ALK: variants seen among roughly 807,000 people sequenced by gnomAD.
ALK encodes the protein ALK tyrosine kinase receptor.
In ALK, 74 loss-of-function variants were observed where a neutral mutation model predicts 163.1. The ratio of observed to expected loss-of-function variants is 0.45; its 90% CI spans 0.38 to 0.55. ALK has a LOEUF of 0.55. Among genes scored for constraint, ALK ranks in the 20% least tolerant of loss-of-function variants. The pLI, the probability that ALK is intolerant of heterozygous loss-of-function variation, is 0.00. For synonymous variants in ALK, 960 were observed against 843.2 expected (o/e 1.14, Z -2.40); for missense variants, 2,063 against 2,105.3 (o/e 0.98, Z 0.39).
intron 1 of ALK, among the ~76,000 whole-genome samples, chr2:29,783,664 G>T (rs1478329498): frequency 1.3e-5 from 2 of 152,348 alleles, no homozygotes; most frequent in South Asian, 2.1e-4. Flanking sequence ...CAGGAGAGGA[G>T]TTGGTTTAGC....
intron 3 of ALK, among the ~76,000 whole-genome samples, chr2:29,622,539 G>A (rs1176994042): frequency 6.6e-6 from 1 of 152,116 alleles, no homozygotes; most frequent in Non-Finnish European, 1.5e-5. Flanking sequence ...GGGAATTCTG[G>A]GAGATACAAT....
intron 5 of ALK, among the ~76,000 whole-genome samples, chr2:29,356,145 C>T (rs1038569113): frequency 4.6e-5 from 7 of 152,136 alleles, no homozygotes; most frequent in Non-Finnish European, 8.8e-5. Flanking sequence ...CCTGATGCAG[C>T]CTGGGCCCTT....
chr2:29,200,720 C>A (rs984954187), intron 26 of ALK, among the ~76,000 whole-genome samples: 1 of 143,106 alleles, frequency 7.0e-6, no homozygotes, highest in African/African-American at 2.6e-5. Flanking sequence ...AATATACATA[C>A]GTATATATGT....
rs1378260049 is a variant in ALK at position 29,496,411 on chromosome 2, G to A, written c.1154+35504C>T. Among the ~76,000 whole-genome samples, 3 of 152,328 alleles carry A rather than the reference G, an allele frequency of 2.0e-5. No homozygotes were observed. In the East Asian group the frequency reaches 5.8e-4, roughly 29 times the overall value. On this transcript the variant is annotated intron_variant, in intron 4 of 28. Transcript: ENST00000389048. ...GTTCAGGGTCACTGCATATGGCAGT[G>A]CAGGCTGTGTCCTGCACAGGATGCC... is the stretch of plus-strand genomic sequence containing the variant.
At chr2:29,829,662 A>C (rs1407770948) in intron 1 of ALK, among the ~76,000 whole-genome samples, 2 of 152,222 alleles carry the variant, frequency 1.3e-5, no homozygotes, top group African/African-American at 4.8e-5. Context: ...GGGGGGTAAA[A>C]TATTCATCAG....
chr2:29,670,193 A>G (rs755715126), intron 3 of ALK, among the ~76,000 whole-genome samples: 5 of 152,066 alleles, frequency 3.3e-5, no homozygotes, highest in African/African-American at 4.8e-5. Flanking sequence ...ATTTCTTTTA[A>G]GAAGAGTATG....
At chr2:29,889,358 T>G (rs1416974030) in intron 1 of ALK, among the ~76,000 whole-genome samples, 5 of 152,080 alleles carry the variant, frequency 3.3e-5, no homozygotes, top group Non-Finnish European at 5.9e-5. Flanking sequence ...TACTTGCTTA[T>G]TTAAGGAATG....
intron 1 of ALK, among the ~76,000 whole-genome samples, chr2:29,867,539 A>G (rs1193667768): frequency 6.6e-6 from 1 of 152,198 alleles, no homozygotes; most frequent in Non-Finnish European, 1.5e-5. Context: ...TTTGTCTCTG[A>G]CAATTTAAGA....
At chr2:29,197,809 C>T (rs1305399425) in intron 26 of ALK, 133 bp from the exon 27 acceptor site, 4 of 781,264 alleles carry the variant, frequency 5.1e-6, no homozygotes, top group African/African-American at 1.7e-5. Context: ...ACATAGAACT[C>T]TTAAAATGTA....
At position 29,717,692 on chromosome 2, in the gene ALK, T is replaced by C. The variant is rs1456830388; in HGVS notation, c.673A>G (p.Ser225Gly). The C allele has an allele frequency of 6.2e-7, 1 of 1,614,178 alleles. No individual in the cohort carries two copies. The highest frequency in any genetic ancestry group is 8.5e-7 in the Non-Finnish European group (1 of 1,180,012). Residue 225 changes from serine to glycine, a missense_variant, in exon 2 of 29, where the codon AGC (serine) becomes GGC (glycine). Around this residue, in one of 5 missense-constraint regions of ALK, gnomAD observed 987 missense variants for 939.5 expected, o/e 1.05. Transcript: ENST00000389048. ...LLFQIFGTGH[S>G]SLESPTNMPS... is the part of the protein sequence containing the mutation. ...ATGTTTGTTGGTGATTCCAAGGAGC[T>C]ATGACCTGGACATAAAAATAAAGAA...
intron 4 of ALK, among the ~76,000 whole-genome samples, chr2:29,453,382 C>T (rs112083237): frequency 6.6e-6 from 1 of 152,022 alleles, no homozygotes; most frequent in African/African-American, 2.4e-5. Flanking sequence ...AAGTGTGCAC[C>T]AACATGCCTG....
At chr2:29,523,746 A>T (rs1205412277) in intron 4 of ALK, among the ~76,000 whole-genome samples, 1 of 151,948 alleles carries the variant, frequency 6.6e-6, no homozygotes. Context: ...CTGGTGTTCA[A>T]TCCATCAAAC....
chr2:29,311,153 T>G (rs1666683661), intron 8 of ALK, among the ~76,000 whole-genome samples: 1 of 152,216 alleles, frequency 6.6e-6, no homozygotes, highest in Admixed American at 6.5e-5. Flanking sequence ...TCCTGAGGTT[T>G]CAGCACCAGG....
chr2:29,698,776 C>A (rs7569688), intron 2 of ALK, among the ~76,000 whole-genome samples: 4 of 152,190 alleles, frequency 2.6e-5, no homozygotes, highest in Non-Finnish European at 4.4e-5. Flanking sequence ...GATTAAAATG[C>A]GTTCCTTCTG....
At position 29,546,236 on chromosome 2, in the gene ALK, A is replaced by G. The variant is rs565990350; in HGVS notation, c.953-14120T>C. On this transcript the variant is annotated intron_variant, in intron 3 of 28. Transcript: ENST00000389048. ...AAGGTGGTTTTTTTCTTTTACATCA[A>G]TGGATTTCATTTAGAAAAAAGGGGC... Among the ~76,000 whole-genome samples, 13 of 152,286 alleles carry G rather than the reference A, an allele frequency of 8.5e-5. No individual in the cohort carries two copies. In the South Asian group the frequency reaches 1.5e-3, roughly 17 times the overall value.
intron 4 of ALK, among the ~76,000 whole-genome samples, chr2:29,428,140 G>A (rs895189346): frequency 6.6e-6 from 1 of 151,960 alleles, no homozygotes; most frequent in Admixed American, 6.6e-5. Flanking sequence ...TGCTTAAAGA[G>A]AAATTTATAG....
In ALK at chr2:29,920,976, G is replaced by A. The variant is rs2148444525; in HGVS notation, c.-317C>T. On this transcript the variant is annotated 5_prime_UTR_variant, in exon 1 of 29. Transcript: ENST00000389048. ...CCCCCGTCTGTAGCTCGCTGCGCTC[G>A]GTACAGAGGAACTACTATGGTTGAA... The A allele has an allele frequency of 2.4e-6, 1 of 419,252 alleles. No individual in the cohort carries two copies. Among genetic ancestry groups the A allele is most frequent in the Non-Finnish European group, 4.3e-6 (1 of 232,326 alleles). 26.0% of individuals were successfully genotyped at this position (419,252 alleles called of 1,614,324 possible).
chr2:29,351,410 C>T (rs974159426), intron 5 of ALK, among the ~76,000 whole-genome samples: 7 of 152,088 alleles, frequency 4.6e-5, no homozygotes, highest in Non-Finnish European at 8.8e-5. Context: ...GGAGGCATCC[C>T]AGACAAAAGC....
intron 15 of ALK, among the ~76,000 whole-genome samples, chr2:29,230,872 G>A (rs537161363): frequency 5.3e-5 from 8 of 152,280 alleles, no homozygotes; most frequent in Admixed American, 3.3e-4. Context: ...GAGTAAGCGC[G>A]TAATAAATAA....
Sources: allele counts gnomAD v4.1 joint callset (sites outside exome capture counted in the v4.1 genomes callset), GRCh38; gene constraint gnomAD v4.1.1; regional missense constraint gnomAD v4.1.1; transcripts MANE v1.5; gene names NCBI Gene and HGNC (gene_info 2026-07-23, HGNC 2026-07-21).